The following RUSC2 variants were observed in gnomAD, a reference collection of about 807,000 sequenced individuals.
RUSC2 encodes AP-4 complex accessory subunit RUSC2.
Under a neutral mutation model 122.2 loss-of-function variants are expected in RUSC2, and 34 were observed. The observed-to-expected ratio is 0.28, with a 90% CI of 0.21 to 0.37. The LOEUF is 0.37. Ranked by LOEUF, RUSC2 falls within the 10% of genes least tolerant of loss-of-function variation. The probability of loss-of-function intolerance (pLI) is 1.00; values close to 1 mark genes in which losing one functional copy is unlikely to be tolerated. For missense variants in RUSC2, 1,747 were observed against 1,952.4 expected, an observed-to-expected ratio of 0.89 and a Z score of 1.98; for synonymous variants, 784 against 790.0, an observed-to-expected ratio of 0.99 and a Z score of 0.13.
intron 8 of RUSC2, 43 bp from the exon 9 acceptor site, chr9:35,559,183 G>A (rs1822088251): frequency 3.9e-6 from 6 of 1,528,588 alleles, no homozygotes; most frequent in Non-Finnish European, 3.6e-6. Flanking sequence ...TTATCTGGCT[G>A]TATTCACACA....
In RUSC2 at chr9:35,560,507, C is replaced by T. The variant is rs2131707074; in HGVS notation, c.3867C>T (p.Ser1289=). 5 of 1,614,200 alleles carry T rather than the reference C, an allele frequency of 3.1e-6. No individual in the cohort carries two copies. Among genetic ancestry groups the T allele is most frequent in the East Asian group, 4.5e-5 (2 of 44,880 alleles). ...QVYIDGSIEG[S]RFPRGSSNSS... ...ACATCGATGGCTCCATTGAGGGTTC[C>T]AGGTTCCCTCGTGGTAGCAGCAACA... The change falls in exon 10 of 12, where the codon TCC becomes TCT. Residue 1289 remains serine, a synonymous_variant. Transcript: ENST00000361226.
In RUSC2 at chr9:35,555,202, C is replaced by A. The variant is rs1313423516; in HGVS notation, c.2157C>A (p.Leu719=). Residue 719 remains leucine, a synonymous_variant, in exon 3 of 12, where the codon CTC becomes CTA. Coordinates refer to ENST00000361226, the MANE Select transcript of RUSC2 (RefSeq NM_014806.5). This position sits in a 1 kb window ranked among gnomAD's most constrained non-coding sequence, Gnocchi z 4.6. The stretch of plus-strand genomic sequence containing the variant: ...GGGCCCTCCACAGCCTTTCCCAGCT[C>A]TACAGCCTCTCAGGCTGCAGCCGTA... ...KARALHSLSQ[L]YSLSGCSRTQ... 2 of 1,613,424 alleles carry A rather than the reference C, an allele frequency of 1.2e-6. No individual in the cohort carries two copies. Among genetic ancestry groups the A allele is most frequent in the Admixed American group, 3.3e-5 (2 of 60,034 alleles).
intron 2 of RUSC2, among the ~76,000 whole-genome samples, chr9:35,552,233 C>T (rs1052922807): frequency 4.0e-5 from 6 of 150,308 alleles, no homozygotes; most frequent in South Asian, 2.1e-4. Context: ...TGGTGGCGCA[C>T]GCCTGTAGTC....
At chr9:35,516,492 G>C (rs977986221) in intron 1 of RUSC2, among the ~76,000 whole-genome samples, 1 of 152,172 alleles carries the variant, frequency 6.6e-6, no homozygotes, top group African/African-American at 2.4e-5. Context: ...AGCAGAAACA[G>C]AAAGATAAAG....
rs1033314469 is a variant in RUSC2 at position 35,536,754 on chromosome 9, C to T, written c.-92-9676C>T. Among the ~76,000 whole-genome samples the T allele has an allele frequency of 3.8e-5, 5 of 132,190 alleles. No individual in the cohort carries two copies. In the Admixed American group the frequency reaches 4.0e-4, roughly 10 times the overall value. 86.7% of individuals were successfully genotyped at this position (132,190 alleles called of 152,430 possible). A position where few individuals can be genotyped will look rare whatever the true frequency, so the allele number is the denominator to read the frequency against. ...ACTTGATCCTGGGAGACAGAGGTTG[C>T]AGTGAGCCAAGATCGCGCCACTGCA... is the stretch of plus-strand genomic sequence containing the variant. On this transcript the variant is annotated intron_variant, in intron 1 of 11. Transcript: ENST00000361226.
chr9:35,538,202 A>C (rs955305165), intron 1 of RUSC2, among the ~76,000 whole-genome samples: 1 of 152,134 alleles, frequency 6.6e-6, no homozygotes, highest in South Asian at 2.1e-4. Context: ...GGCCAGTTCT[A>C]CTTCAGCCAC....
At position 35,557,699 on chromosome 9, in the gene RUSC2, G is replaced by T. The variant is rs1890590; in HGVS notation, c.2984-215G>T. ...GAGGCTTGACAGTGGCATCACTGAG[G>T]TAGCTCCAGGCTGGGAAGTAAAGAC... is the stretch of plus-strand genomic sequence containing the variant. On this transcript the variant is annotated intron_variant, in intron 5 of 11. Transcript: ENST00000361226. The surrounding 1 kb of genome is among the most constrained non-coding windows in gnomAD (Gnocchi z 4.6). 0.28 allele frequency among the ~76,000 whole-genome samples: 42,550 copies of T among 152,088 alleles called. 6,093 individuals are homozygous for T. The highest frequency in any genetic ancestry group is 0.38 in the South Asian group (1,835 of 4,816).
intron 1 of RUSC2, among the ~76,000 whole-genome samples, chr9:35,528,907 G>C (rs1041702956): frequency 6.6e-6 from 1 of 151,864 alleles, no homozygotes; most frequent in Non-Finnish European, 1.5e-5. Context: ...CCAACATAAT[G>C]AGACCCCCAT....
At position 35,556,077 on chromosome 9, in the gene RUSC2, C is replaced by T. The variant is rs763136428; in HGVS notation, c.2782C>T (p.Pro928Ser). ...SQEARLARRN[P>S]IFEFPGSLSA... The stretch of plus-strand genomic sequence containing the variant: ...AGAAGCTCGGCTGGCCCGAAGAAAC[C>T]CTATCTTTGAGTTCCCTGGCTCCCT... Residue 928 changes from proline (P) to serine (S), a missense_variant, in exon 4 of 12, where the codon CCT (proline) becomes TCT (serine). Transcript: ENST00000361226. The T allele has an allele frequency of 6.2e-7, 1 of 1,614,196 alleles. No homozygotes were observed. The highest frequency in any genetic ancestry group is 1.1e-5 in the South Asian group (1 of 91,086).
At chr9:35,517,508 AAC>A (rs1268363166) in intron 1 of RUSC2, among the ~76,000 whole-genome samples, 2 of 140,326 alleles carry the variant, frequency 1.4e-5, no homozygotes, top group Non-Finnish European at 3.1e-5. Context: ...TGGGCCCACA[AAC>A]AGGGGAGAAT....
At chr9:35,530,250 C>T (rs2132529224) in intron 1 of RUSC2, among the ~76,000 whole-genome samples, 1 of 152,068 alleles carries the variant, frequency 6.6e-6, no homozygotes, top group East Asian at 1.9e-4. Flanking sequence ...CCTACCTGGC[C>T]AGCCATTCAG....
rs1364799562 is a variant in RUSC2 at position 35,548,100 on chromosome 9, G to T, written c.1579G>T (p.Gly527Cys). ...MLSCPVRLSE[G>C]PAAMAGPGSP... ...GAGTTGCCCAGTGCGCTTGAGTGAG[G>T]GCCCTGCAGCCATGGCCGGGCCTGG... The change falls in exon 2 of 12, where the codon GGC (glycine) becomes TGC (cysteine). Residue 527 changes from glycine (G) to cysteine (C), a missense_variant. Transcript: ENST00000361226. This position sits in a 1 kb window ranked among gnomAD's most constrained non-coding sequence, Gnocchi z 4.5. 2 of 1,613,202 alleles carry T rather than the reference G, an allele frequency of 1.2e-6. No homozygotes were observed. The highest frequency in any genetic ancestry group is 3.3e-5 in the Admixed American group (2 of 60,024).
At chr9:35,528,454 T>C (rs1821361174) in intron 1 of RUSC2, among the ~76,000 whole-genome samples, 1 of 151,922 alleles carries the variant, frequency 6.6e-6, no homozygotes, top group Non-Finnish European at 1.5e-5. Flanking sequence ...AGGGGCCCTG[T>C]AATGTCTTGA....
rs137971910 is a variant in RUSC2, at chr9:35,555,396, G to A, written c.2351G>A (p.Arg784Gln). 3.2e-4 allele frequency: 510 copies of A among 1,614,206 alleles called. 2 individuals are homozygous for A. In the East Asian group the frequency reaches 7.7e-3, roughly 24 times the overall value. Reference protein sequence around the residue: ...PSPLGSYSPIRSVGPFGPSTD... With the variant: ...PSPLGSYSPIQSVGPFGPSTD... The stretch of plus-strand genomic sequence containing the variant: ...CCCCTGGGCAGCTACTCCCCCATCC[G>A]GAGTGTTGGCCCCTTTGGGCCCAGC... Residue 784 changes from arginine (R) to glutamine (Q), a missense_variant, in exon 3 of 12, where the codon CGG becomes CAG. Physicochemically the swap from Arg to Gln is conservative, Grantham distance 43 (BLOSUM62 1). Coordinates refer to ENST00000361226, the MANE Select transcript of RUSC2 (RefSeq NM_014806.5). The surrounding 1 kb of genome is among the most constrained non-coding windows in gnomAD (Gnocchi z 4.6).
chr9:35,547,794 A>G lies in RUSC2; in HGVS notation c.1273A>G (p.Thr425Ala), dbSNP rs987845205. Residue 425 changes from threonine to alanine, a missense_variant, in exon 2 of 12, where the codon ACC (threonine) becomes GCC (alanine). Transcript: ENST00000361226. This position sits in a 1 kb window ranked among gnomAD's most constrained non-coding sequence, Gnocchi z 4.6. ...CATCACTAGCTGCTCTGAGGAACAC[A>G]CCAAGATAAGTCCCCCACCAGGCCC... ...SSITSCSEEH[T>A]KISPPPGPGP... 6.2e-7 allele frequency: 1 copy of G among 1,614,080 alleles called. No individual in the cohort carries two copies. The highest frequency in any genetic ancestry group is 8.5e-7 in the Non-Finnish European group (1 of 1,180,034).
rs1322510887 is a variant in RUSC2 at position 35,555,657 on chromosome 9, C to T, written c.2612C>T (p.Ala871Val). The change falls in exon 3 of 12, where the codon GCC (alanine) becomes GTC (valine). Residue 871 changes from alanine (A) to valine (V), a missense_variant. Coordinates refer to ENST00000361226, the MANE Select transcript of RUSC2 (RefSeq NM_014806.5). This position sits in a 1 kb window ranked among gnomAD's most constrained non-coding sequence, Gnocchi z 4.6. ...RSGLSRAESL[A>V]RGGGEGSMAT... is the part of the protein sequence containing the mutation. ...GGCCTCAGCCGAGCAGAGAGCCTGG[C>T]CCGGGGAGGTGGTGAGGGCAGCATG... 15 of 1,606,236 alleles carry T rather than the reference C, an allele frequency of 9.3e-6. No homozygotes were observed. In the South Asian group the frequency reaches 9.9e-5, roughly 11 times the overall value.
At chr9:35,552,429 C>T (rs955816967) in intron 2 of RUSC2, among the ~76,000 whole-genome samples, 1 of 152,096 alleles carries the variant, frequency 6.6e-6, no homozygotes, top group Non-Finnish European at 1.5e-5. Context: ...TACTGAGCAG[C>T]AGAATCAAGA....
At chr9:35,503,268 G>A (rs368521143) in intron 1 of RUSC2, among the ~76,000 whole-genome samples, 44 of 152,132 alleles carry the variant, frequency 2.9e-4, no homozygotes, top group African/African-American at 8.7e-4. Flanking sequence ...CACCCCCGCC[G>A]TTACTCCTCT....
chr9:35,494,832 T>A (rs1002840469), intron 1 of RUSC2, among the ~76,000 whole-genome samples: 1 of 147,844 alleles, frequency 6.8e-6, no homozygotes, highest in Non-Finnish European at 1.5e-5. Flanking sequence ...ACCTGTGCAT[T>A]TTGTCTTACC....
Sources: gnomAD v4.1 joint callset for allele counts (sites outside exome capture counted in the v4.1 genomes callset) on GRCh38, gnomAD v4.1.1 for gene constraint, Gnocchi (gnomAD v3.1) non-coding constraint, MANE v1.5 for transcripts, NCBI Gene and HGNC (gene_info 2026-07-23, HGNC 2026-07-21) for gene names.